The following MVP variants were observed in gnomAD, a reference collection of about 807,000 sequenced individuals.
The protein encoded by MVP is major vault protein.
Under a neutral mutation model 83.5 loss-of-function variants are expected in MVP, and 62 were observed. The observed-to-expected ratio is 0.74, with a 90% confidence interval of 0.61 to 0.92. The LOEUF (loss-of-function observed/expected upper bound fraction) is 0.92, where lower values mean the gene tolerates loss of function less well. Ranked by LOEUF, MVP falls within the 40% of genes least tolerant of loss-of-function variation. The pLI is 0.00. For missense variants in MVP, 1,000 were observed against 1,203.4 expected (o/e 0.83, Z 2.50); for synonymous variants, 505 against 504.1 (o/e 1.00, Z -0.02).
chr16:29,845,718 A>T, intron 11 of MVP, 145 bp from the exon 12 acceptor site: 1 of 638,154 alleles, frequency 1.6e-6, no homozygotes, highest in East Asian at 2.8e-5. Flanking sequence ...CGCGTATACC[A>T]TTCTGGGTTG....
intron 7 of MVP, among the ~76,000 whole-genome samples, chr16:29,839,779 A>C: frequency 1.2e-5 from 1 of 83,272 alleles, no homozygotes; most frequent in African/African-American, 4.7e-5. Flanking sequence ...GAGGAAGACT[A>C]TCTCAAAAAA....
chr16:29,847,485 G>T, intron 14 of MVP, 100 bp downstream of exon 14: 1 of 1,281,034 alleles, frequency 7.8e-7, no homozygotes, highest in East Asian at 2.5e-5. Flanking sequence ...TTGTGGGGAA[G>T]GGAGGGGTGA....
At chr16:29,845,303 G>A (rs143583070) in intron 11 of MVP, among the ~76,000 whole-genome samples, 9 of 150,798 alleles carry the variant, frequency 6.0e-5, no homozygotes, top group Non-Finnish European at 8.9e-5. Context: ...GGCCTCCCCC[G>A]ATTTGCCTTC....
chr16:29,830,867 T>G lies in MVP; in HGVS notation c.126-11T>G. The G allele has an allele frequency of 6.2e-7, 1 of 1,605,990 alleles. No individual in the cohort carries two copies. The highest frequency in any genetic ancestry group is 8.5e-7 in the Non-Finnish European group (1 of 1,173,706). ...TCCCAGGTCCTCACACCTCTTCTCA[T>G]CTTCCTGCAGGGTACTGTTTGCCCC... is the stretch of plus-strand genomic sequence containing the variant. On this transcript the variant is annotated splice_polypyrimidine_tract_variant and intron_variant, in intron 2 of 14. Coordinates refer to ENST00000357402, the MANE Select transcript of MVP (RefSeq NM_005115.5).
At position 29,836,800 on chromosome 16, in the gene MVP, G is replaced by GT; in HGVS notation, c.752dup (p.Thr252AsnfsTer95). The GT allele has an allele frequency of 6.2e-7, 1 of 1,613,536 alleles. No individual in the cohort carries two copies. The highest frequency in any genetic ancestry group is 8.5e-7 in the Non-Finnish European group (1 of 1,179,746). On this transcript the variant is annotated frameshift_variant, in exon 7 of 15. Coordinates refer to ENST00000357402, the MANE Select transcript of MVP (RefSeq NM_005115.5). LOFTEE classifies it high-confidence loss of function. ...CCGCCGCACTGGGGAGGAGTGGCTG[G>GT]TAACAGTGCAGGACACAGAGGCCCA... is the stretch of plus-strand genomic sequence containing the variant.
At position 29,844,870 on chromosome 16, in the gene MVP, C is replaced by T. The variant is rs2067570440; in HGVS notation, c.2012C>T (p.Ala671Val). The T allele has an allele frequency of 1.3e-6, 2 of 1,599,016 alleles. No homozygotes were observed. Among genetic ancestry groups the T allele is most frequent in the Non-Finnish European group, 1.7e-6 (2 of 1,177,456 alleles). ...GAGATCACCACCAACTCCCAGGAAG[C>T]GGCGGCCAAGTAAGTGAGGCTGGGA... ...AIEITTNSQE[A>V]AAKHEAQRLE... The change falls in exon 11 of 15, where the codon GCG becomes GTG. Residue 671 changes from alanine (A) to valine (V), a missense_variant. Physicochemically the swap from Ala to Val is moderately conservative, Grantham distance 64. Transcript: ENST00000357402.
intron 1 of MVP, among the ~76,000 whole-genome samples, chr16:29,825,118 C>G (rs901750528): frequency 1.3e-5 from 2 of 152,150 alleles, no homozygotes; most frequent in Non-Finnish European, 2.9e-5. Context: ...CTTATTTACC[C>G]TCATGGTGGG....
rs200165377 is a variant in MVP, at chr16:29,833,924, T to G, written c.446-11T>G. 2.9e-4 allele frequency: 474 copies of G among 1,613,822 alleles called. No individual in the cohort carries two copies. The highest frequency in any genetic ancestry group is 3.7e-4 in the Non-Finnish European group (436 of 1,180,000). ...CCCTGATACCTTCTGACCATCACCT[T>G]CCCTCCCCAGGCACGTACATCCCCC... is the stretch of plus-strand genomic sequence containing the variant. On this transcript the variant is annotated splice_polypyrimidine_tract_variant and intron_variant, in intron 4 of 14. Coordinates refer to ENST00000357402, the MANE Select transcript of MVP (RefSeq NM_005115.5).
rs2067463523 is a variant in MVP at position 29,833,802 on chromosome 16, G to A, written c.391G>A (p.Asp131Asn). 13 of 1,614,086 alleles carry A rather than the reference G, an allele frequency of 8.1e-6. No homozygotes were observed. Among genetic ancestry groups the A allele is most frequent in the Non-Finnish European group, 1.1e-5 (13 of 1,180,014 alleles). Residue 131 changes from aspartate (D) to asparagine (N), a missense_variant, in exon 4 of 15, where the codon GAT becomes AAT. Asp to Asn is a conservative substitution (Grantham distance 23). Transcript: ENST00000357402. Reference sequence around the variant, plus strand: ...TCTAAAGGCGCTGCTTGATTTTGAGGATAAAGATGGAGACAAGGTGGTGGC... The same window carrying A: ...TCTAAAGGCGCTGCTTGATTTTGAGAATAAAGATGGAGACAAGGTGGTGGC... ...LHLKALLDFE[D>N]KDGDKVVAGD...
intron 1 of MVP, 133 bp from the exon 2 acceptor site, chr16:29,830,382 C>T (rs1035356952): frequency 4.4e-5 from 30 of 679,208 alleles, no homozygotes; most frequent in African/African-American, 7.2e-5. Context: ...CATGCAGATG[C>T]GGACAGGGAA....
chr16:29,827,056 C>T (rs1418044174), intron 1 of MVP, among the ~76,000 whole-genome samples: 1 of 151,898 alleles, frequency 6.6e-6, no homozygotes, highest in African/African-American at 2.4e-5. Context: ...CAGGACAGGG[C>T]TATAGGAAGA....
intron 7 of MVP, among the ~76,000 whole-genome samples, chr16:29,837,225 G>A (rs1289463763): frequency 6.6e-6 from 1 of 152,214 alleles, no homozygotes; most frequent in African/African-American, 2.4e-5. Flanking sequence ...ATACAGTCAT[G>A]CGCCACTTAA....
intron 7 of MVP, among the ~76,000 whole-genome samples, chr16:29,839,334 A>G (rs2067514020): frequency 6.6e-6 from 1 of 152,222 alleles, no homozygotes; most frequent in Non-Finnish European, 1.5e-5. Flanking sequence ...ACTTCTAGGT[A>G]CAGGATTTCT....
intron 6 of MVP, among the ~76,000 whole-genome samples, 167 bp downstream of exon 6, chr16:29,835,965 G>T (rs1292246120): frequency 1.3e-5 from 2 of 152,040 alleles, no homozygotes; most frequent in Admixed American, 1.3e-4. Context: ...TCATCTGAAG[G>T]GTTAAATAGT....
chr16:29,835,531 G>A, intron 5 of MVP, 173 bp from the exon 6 acceptor site: 3 of 459,886 alleles, frequency 6.5e-6, no homozygotes, highest in Admixed American at 3.7e-5. Context: ...TGGGGTGGGG[G>A]TTTGGCCTCA....
chr16:29,823,122 C>CTTTTTTTTTTTTTTTTTTTT (rs66512916), intron 1 of MVP, among the ~76,000 whole-genome samples: 3 of 98,482 alleles, frequency 3.0e-5, no homozygotes, highest in African/African-American at 8.6e-5. Flanking sequence ...CTTTTCTTTT[C>CTTTTTTTTTTTTTTTTTTTT]TTTTTTTTTT....
At chr16:29,839,360 G>A (rs557510815) in intron 7 of MVP, among the ~76,000 whole-genome samples, 9 of 152,106 alleles carry the variant, frequency 5.9e-5, no homozygotes, top group Non-Finnish European at 1.0e-4. Flanking sequence ...GGGTGATGAC[G>A]AAAATACTCT....
chr16:29,832,400 C>T (rs1387729282), intron 3 of MVP, among the ~76,000 whole-genome samples: 1 of 149,080 alleles, frequency 6.7e-6, no homozygotes, highest in Admixed American at 6.8e-5. Context: ...CAGGTTCACG[C>T]AATTCTCCTG....
chr16:29,828,695 T>A (rs2067420297), intron 1 of MVP, among the ~76,000 whole-genome samples: 1 of 152,152 alleles, frequency 6.6e-6, no homozygotes, highest in Non-Finnish European at 1.5e-5. Context: ...AAAGGGTTTT[T>A]AAACAAGAGC....
Sources: allele counts gnomAD v4.1 joint callset (sites outside exome capture counted in the v4.1 genomes callset), GRCh38; gene constraint gnomAD v4.1.1; transcripts MANE v1.5; gene names NCBI Gene and HGNC (gene_info 2026-07-23, HGNC 2026-07-21).